MUC4: variants seen among roughly 807,000 people sequenced by gnomAD.
MUC4 encodes the protein mucin-4.
Under a neutral mutation model 257.9 loss-of-function variants are expected in MUC4, and 202 were observed. That is an observed-to-expected ratio of 0.78 (90% CI 0.70 to 0.88). The LOEUF is 0.88. MUC4 is among the 40% of genes least tolerant of loss of function. The pLI is 0.00. For missense variants in MUC4, 5,976 were observed against 6,513.7 expected, an observed-to-expected ratio of 0.92 and a Z score of 2.84; for synonymous variants, 2,351 against 2,757.1, an observed-to-expected ratio of 0.85 and a Z score of 4.62.
At chr3:195,772,059 C>A (rs1483834228) in intron 4 of MUC4, among the ~76,000 whole-genome samples, 1 of 152,164 alleles carries the variant, frequency 6.6e-6, no homozygotes, top group Non-Finnish European at 1.5e-5. Flanking sequence ...TGTTTCACTG[C>A]AGATCCCTGG....
chr3:195,770,308 T>A lies in MUC4; in HGVS notation c.13306A>T (p.Lys4436Ter). Residue 4436 changes from lysine to a stop codon, truncating the protein, a stop_gained, in exon 6 of 25, where the codon AAG (lysine) becomes TAG (stop). Transcript: ENST00000463781. LOFTEE classifies it high-confidence loss of function. ...LVQQAESWIR[K>*]MTNNGGYKAR... ...TTGTAGCCCCCGTTGTTTGTCATCT[T>A]TCTAATCCAAGACTCGGCCTGCTGG... The A allele has an allele frequency of 6.2e-7, 1 of 1,614,078 alleles. No individual in the cohort carries two copies. The highest frequency in any genetic ancestry group is 8.5e-7 in the Non-Finnish European group (1 of 1,179,992).
In MUC4 at chr3:195,774,177, G is replaced by A. The variant is rs748418221; in HGVS notation, c.13072C>T (p.Leu4358Phe). ...FPLGSSLRDS[L>F]YFTDNGQIIF... is the part of the protein sequence containing the mutation. ...GGGCCGCAGCCCGGACTCACGTAGAGGGAATCACGGAGAGAGGAGCCAAGG... is the reference window on the plus strand; with the variant it reads ...GGGCCGCAGCCCGGACTCACGTAGAAGGAATCACGGAGAGAGGAGCCAAGG... Residue 4358 changes from leucine (L) to phenylalanine (F), a missense_variant, in exon 4 of 25, where the codon CTC (leucine) becomes TTC (phenylalanine). Around this residue, in one of 44 missense-constraint regions of MUC4, gnomAD observed 233 missense variants for 171.2 expected, o/e 1.36. Coordinates refer to ENST00000463781, the MANE Select transcript of MUC4 (RefSeq NM_018406.7). The A allele has an allele frequency of 6.2e-7, 1 of 1,607,896 alleles. No homozygotes were observed. Among genetic ancestry groups the A allele is most frequent in the Non-Finnish European group, 8.5e-7 (1 of 1,177,454 alleles).
Position 195,757,944 on chromosome 3 carries a change from C to T in MUC4, c.14987-616G>A, listed in dbSNP as rs1262612110. Among the ~76,000 whole-genome samples the T allele has an allele frequency of 2.0e-5, 3 of 152,118 alleles. No individual in the cohort carries two copies. The highest frequency in any genetic ancestry group is 1.5e-5 in the Non-Finnish European group (1 of 68,014). On this transcript the variant is annotated intron_variant, in intron 17 of 24. Coordinates refer to ENST00000463781, the MANE Select transcript of MUC4 (RefSeq NM_018406.7). This position sits in a 1 kb window ranked among gnomAD's most constrained non-coding sequence, Gnocchi z 4.8. ...ACCATCGTCCTTCAGGGGTGGGGCC[C>T]GTGGAGAAGAAAACCTCTCAGTGCC...
intron 10 of MUC4, 96 bp from the exon 11 acceptor site, chr3:195,764,260 TGTTGGTGGAGAGCTTGGCAGGGCAGGGC>T (rs1719909353): frequency 2.3e-5 from 24 of 1,039,242 alleles, no homozygotes; most frequent in Admixed American, 1.3e-4. Context: ...GGCAGGGCGG[TGTTGGTGGAGAGCTTGGCAGGGCAGGGC>T]GGTGTTGGTG....
rs759242122 is a variant in MUC4, at chr3:195,780,515, C to T, written c.11065G>A (p.Ala3689Thr). Reference sequence around the variant, plus strand: ...AGAGGGGTGGCCTGACCTGTGGATGCTGAGGAAGTGTCCGTGACAGGAAGA... The same window carrying T: ...AGAGGGGTGGCCTGACCTGTGGATGTTGAGGAAGTGTCCGTGACAGGAAGA... ...TRLPVTDTSS[A>T]STGQATPLPV... Residue 3689 changes from alanine (A) to threonine (T), a missense_variant, in exon 2 of 25, where the codon GCA (alanine) becomes ACA (threonine). Physicochemically the swap from Ala to Thr is moderately conservative, Grantham distance 58. This residue lies in a region of MUC4 where 330 missense variants were observed against 262.0 expected (regional missense o/e 1.26). Transcript: ENST00000463781. 1.8e-6 allele frequency: 2 copies of T among 1,115,624 alleles called. No homozygotes were observed. The highest frequency in any genetic ancestry group is 1.9e-5 in the South Asian group (1 of 51,888). 69.1% of individuals were successfully genotyped at this position (1,115,624 alleles called of 1,614,324 possible).
chr3:195,778,282 G>A (rs757551532), intron 3 of MUC4, 21 bp downstream of exon 3: 2 of 1,597,856 alleles, frequency 1.3e-6, no homozygotes, highest in South Asian at 2.2e-5. Context: ...AAAGGCACAG[G>A]CCTCACCTGT....
intron 1 of MUC4, among the ~76,000 whole-genome samples, chr3:195,792,069 A>C (rs2149044072): frequency 6.6e-6 from 1 of 152,372 alleles, no homozygotes; most frequent in South Asian, 2.1e-4. Flanking sequence ...TTCAGGACAT[A>C]GACATAGGCA....
At chr3:195,752,043 G>C in intron 21 of MUC4, 1 of 347,040 alleles carries the variant, frequency 2.9e-6, no homozygotes, top group Non-Finnish European at 5.3e-6. Context: ...GCCAAGAAGA[G>C]GGAGCCGCCC....
Position 195,769,102 on chromosome 3 carries a change from G to T in MUC4, c.13449C>A (p.Ala4483=). ...ILSTDGSRSY[A]LFLYQSGGMQ... is the part of the protein sequence containing the mutation. ...TCCCACCGCTCTGGTAGAGAAACAG[G>T]GCATAGGACCTGCTCCCGTCCGTGG... Residue 4483 remains alanine, a synonymous_variant, in exon 7 of 25, where the codon GCC becomes GCA. Coordinates refer to ENST00000463781, the MANE Select transcript of MUC4 (RefSeq NM_018406.7). 1 of 1,614,162 alleles carries T rather than the reference G, an allele frequency of 6.2e-7. No individual in the cohort carries two copies. The highest frequency in any genetic ancestry group is 8.5e-7 in the Non-Finnish European group (1 of 1,180,022).
chr3:195,767,879 A>ACCT (rs1560266119), intron 7 of MUC4, among the ~76,000 whole-genome samples: 30 of 142,144 alleles, frequency 2.1e-4, no homozygotes, highest in African/African-American at 8.2e-4. Flanking sequence ...CACCACCATC[A>ACCT]CCACCATCAC....
rs781340307 is a variant in MUC4, at chr3:195,749,072, G to A, written c.15872-8C>T. 1 of 1,609,228 alleles carries A rather than the reference G, an allele frequency of 6.2e-7. No individual in the cohort carries two copies. The highest frequency in any genetic ancestry group is 1.1e-5 in the South Asian group (1 of 89,996). On this transcript the variant is annotated splice_polypyrimidine_tract_variant and splice_region_variant and intron_variant, in intron 23 of 24. Transcript: ENST00000463781. ...TCAGCGTGCTCACGTTCACTGTCGG[G>A]AAGGACACAGATTAACACAGAAAGC...
chr3:195,758,573 C>CTTTTTT (rs55860315), intron 17 of MUC4, among the ~76,000 whole-genome samples: 11 of 126,472 alleles, frequency 8.7e-5, no homozygotes, highest in Admixed American at 7.3e-4. Flanking sequence ...ATCTTCAAAT[C>CTTTTTT]TTTTTTTTGA....
chr3:195,767,865 A>ACACCACCACCATCACCAC (rs1553861228), intron 7 of MUC4, among the ~76,000 whole-genome samples: 2 of 52,212 alleles, frequency 3.8e-5, no homozygotes, highest in Admixed American at 1.8e-4. Flanking sequence ...ATCACCCCCA[A>ACACCACCACCATCACCAC]CACCACCACC....
chr3:195,811,630 TTCTCTCTC>T (rs143120396), intron 1 of MUC4, 98 bp downstream of exon 1: 5 of 865,038 alleles, frequency 5.8e-6, no homozygotes, highest in Admixed American at 2.2e-5. Flanking sequence ...CTTTCCCCTA[TTCTCTCTC>T]TCTCTCTCTC....
intron 14 of MUC4, among the ~76,000 whole-genome samples, chr3:195,761,810 A>G (rs1718985401): frequency 6.6e-6 from 1 of 151,266 alleles, no homozygotes. Flanking sequence ...GGGCGGGAGG[A>G]TGTGGGAGGC....
rs770839907 is a variant in MUC4, at chr3:195,783,261, GTTGGTGACAGGAAGAGGGGTGGCGTGAC to G, written c.8291_8318del (p.Gly2764AlafsTer231). ...CGTGACCTGTGGATACTGAGGAAGT[GTTGGTGACAGGAAGAGGGGTGGCGTGAC>G]CTGTGGATGCTGAGGAAGTGTCGGT... is the stretch of plus-strand genomic sequence containing the variant. On this transcript the variant is annotated frameshift_variant, in exon 2 of 25. Coordinates refer to ENST00000463781, the MANE Select transcript of MUC4 (RefSeq NM_018406.7). LOFTEE classifies it high-confidence loss of function. The G allele has an allele frequency of 1.4e-6, 2 of 1,460,218 alleles. 1 individual carries two copies. Among genetic ancestry groups the G allele is most frequent in the Non-Finnish European group, 1.9e-6 (2 of 1,080,830 alleles). 90.5% of individuals were successfully genotyped at this position (1,460,218 alleles called of 1,614,324 possible). A position where few individuals can be genotyped will look rare whatever the true frequency, so the allele number is the denominator to read the frequency against.
At chr3:195,765,470 GA>G (rs759989382) in intron 8 of MUC4, 21 bp from the exon 9 acceptor site, 5 of 1,604,810 alleles carry the variant, frequency 3.1e-6, no homozygotes, top group East Asian at 2.2e-5. Context: ...GGATGGGGGG[GA>G]AAGGGCTTAT....
intron 3 of MUC4, among the ~76,000 whole-genome samples, chr3:195,777,614 C>T (rs796864548): frequency 1.7e-4 from 19 of 114,648 alleles, no homozygotes; most frequent in Middle Eastern, 4.8e-3. Context: ...ACCTTCCACA[C>T]CCATACCTTC....
At chr3:195,751,700 A>C (rs979636669) in intron 21 of MUC4, 3 of 263,140 alleles carry the variant, frequency 1.1e-5, no homozygotes, top group African/African-American at 6.6e-5. Flanking sequence ...GCAGGTGACA[A>C]ATGTCAACAG....
Sources: allele counts gnomAD v4.1 joint callset (sites outside exome capture counted in the v4.1 genomes callset), GRCh38; gene constraint gnomAD v4.1.1; regional missense constraint gnomAD v4.1.1; non-coding constraint Gnocchi (gnomAD v3.1); transcripts MANE v1.5; gene names NCBI Gene and HGNC (gene_info 2026-07-23, HGNC 2026-07-21).